PIK3C2G: variants seen among roughly 807,000 people sequenced by gnomAD.
The protein encoded by PIK3C2G is phosphatidylinositol-4-phosphate 3-kinase catalytic subunit type 2 gamma.
Under a neutral mutation model 181.1 loss-of-function variants are expected in PIK3C2G, and 168 were observed. The observed-to-expected ratio is 0.93, with a 90% CI of 0.82 to 1.05. The LOEUF is 1.05. PIK3C2G is among the 50% of genes least tolerant of loss of function. The pLI is 0.00. For synonymous variants in PIK3C2G, 573 were observed against 592.2 expected (o/e 0.97, Z 0.47); for missense variants, 1,869 against 1,732.8 (o/e 1.08, Z -1.40).
chr12:18,703,588 C>G, the PIK3C2G span, among the ~76,000 whole-genome samples: 2 of 152,180 alleles, frequency 1.3e-5, no homozygotes, highest in African/African-American at 4.8e-5. Context: ...GTGATTACCT[C>G]TTTACAATAG....
At chr12:18,255,035 C>A (rs1220007777) in intron 1 of PIK3C2G, among the ~76,000 whole-genome samples, 1 of 151,586 alleles carries the variant, frequency 6.6e-6, no homozygotes, top group African/African-American at 2.4e-5. Flanking sequence ...TTGAGACCAG[C>A]CTGACCAACA....
chr12:18,256,369 ATCT>A (rs1476771728), intron 1 of PIK3C2G, among the ~76,000 whole-genome samples: 2 of 152,096 alleles, frequency 1.3e-5, no homozygotes, highest in East Asian at 3.9e-4. Flanking sequence ...CACGCAGACT[ATCT>A]TCTTTTATTT....
At chr12:18,705,359 A>C in the PIK3C2G span, 1 of 1,606,214 alleles carries the variant, frequency 6.2e-7, no homozygotes, top group Non-Finnish European at 8.5e-7. Context: ...AAAACTTCTA[A>C]ATAATTGTAA....
At chr12:18,632,428 G>A (rs1396640473) in intron 31 of PIK3C2G, among the ~76,000 whole-genome samples, 1 of 152,084 alleles carries the variant, frequency 6.6e-6, no homozygotes, top group Non-Finnish European at 1.5e-5. Context: ...TGCTGTATTA[G>A]GGTTCACCAG....
chr12:18,587,091 G>A (rs1055478734), intron 29 of PIK3C2G, among the ~76,000 whole-genome samples: 5 of 152,028 alleles, frequency 3.3e-5, no homozygotes, highest in African/African-American at 1.2e-4. Context: ...CAAACCCACA[G>A]CCAACATCAT....
Position 18,310,002 on chromosome 12 carries a change from G to A in PIK3C2G, c.1035-3960G>A, listed in dbSNP as rs1278140665. Among the ~76,000 whole-genome samples, 4 of 151,862 alleles carry A rather than the reference G, an allele frequency of 2.6e-5. No individual in the cohort carries two copies. In the East Asian group the frequency reaches 7.7e-4, roughly 29 times the overall value. ...GTAAATGAAGTATTTACAGAGTGAT[G>A]AAGTATGAGTGAAGAAAGAAAGTCA... is the stretch of plus-strand genomic sequence containing the variant. On this transcript the variant is annotated intron_variant, in intron 5 of 32. Coordinates refer to ENST00000538779, the MANE Select transcript of PIK3C2G (RefSeq NM_001288772.2).
intron 16 of PIK3C2G, among the ~76,000 whole-genome samples, chr12:18,412,975 T>C (rs773043389): frequency 1.3e-5 from 2 of 152,180 alleles, no homozygotes; most frequent in African/African-American, 2.4e-5. Context: ...AGAGTTGCTA[T>C]TTCATTGAAG....
the PIK3C2G span, among the ~76,000 whole-genome samples, chr12:18,663,197 T>C: frequency 2.6e-5 from 4 of 152,146 alleles, no homozygotes; most frequent in Admixed American, 2.6e-4. Flanking sequence ...TCACTTTTAT[T>C]CAACATAGTA....
At chr12:18,444,013 C>T (rs1385405610) in intron 18 of PIK3C2G, among the ~76,000 whole-genome samples, 11 of 152,176 alleles carry the variant, frequency 7.2e-5, no homozygotes, top group Admixed American at 7.2e-4. Flanking sequence ...TGTATTTTAT[C>T]TGGCAAGAAA....
intron 24 of PIK3C2G, among the ~76,000 whole-genome samples, chr12:18,526,336 G>A (rs995289446): frequency 1.3e-5 from 2 of 152,138 alleles, no homozygotes; most frequent in Non-Finnish European, 2.9e-5. Flanking sequence ...TCAGAAACAT[G>A]GTGGTTTCTT....
intron 29 of PIK3C2G, among the ~76,000 whole-genome samples, chr12:18,585,601 A>T (rs1946731251): frequency 6.6e-6 from 1 of 152,224 alleles, no homozygotes; most frequent in African/African-American, 2.4e-5. Flanking sequence ...TAATAGTGTG[A>T]GACTTCAACA....
chr12:18,528,709 A>G (rs1055999403), intron 24 of PIK3C2G, among the ~76,000 whole-genome samples: 2 of 152,132 alleles, frequency 1.3e-5, no homozygotes, highest in Admixed American at 6.6e-5. Context: ...CACTTTCCAT[A>G]TCTCCATATC....
intron 14 of PIK3C2G, among the ~76,000 whole-genome samples, chr12:18,384,170 G>A (rs1943026542): frequency 6.6e-6 from 1 of 151,776 alleles, no homozygotes; most frequent in Admixed American, 6.6e-5. Context: ...AAGGATCATA[G>A]GGCCAAAAAC....
rs532790808 is a variant in PIK3C2G, at chr12:18,415,640, G to A, written c.2316-5301G>A. 3.9e-5 allele frequency among the ~76,000 whole-genome samples: 6 copies of A among 152,316 alleles called. No individual in the cohort carries two copies. In the South Asian group the frequency reaches 1.2e-3, roughly 32 times the overall value. ...GCATAACGTGAAAGGCATGTTGAAA[G>A]CTTAGATAGGCTAAAAGCTAGGCTT... On this transcript the variant is annotated intron_variant, in intron 16 of 32. Transcript: ENST00000538779.
intron 31 of PIK3C2G, among the ~76,000 whole-genome samples, chr12:18,625,795 T>G (rs1203469665): frequency 2.6e-5 from 4 of 151,886 alleles, no homozygotes; most frequent in South Asian, 2.1e-4. Flanking sequence ...TTTTTGCAGT[T>G]TTTTATTTAA....
upstream of PIK3C2G, among the ~76,000 whole-genome samples, chr12:18,244,679 A>G (rs757856552): frequency 8.5e-5 from 13 of 152,098 alleles, no homozygotes; most frequent in Admixed American, 2.6e-4. Flanking sequence ...CACTGCCGCG[A>G]TGCTATCAAG....
chr12:18,366,436 G>A (rs2137833360), intron 12 of PIK3C2G, among the ~76,000 whole-genome samples: 1 of 152,176 alleles, frequency 6.6e-6, no homozygotes, highest in East Asian at 1.9e-4. Flanking sequence ...GGGAGGTCAG[G>A]GCAGGAGAAT....
At chr12:18,344,395 G>A (rs73064556) in intron 10 of PIK3C2G, among the ~76,000 whole-genome samples, 1,871 of 152,162 alleles carry the variant, frequency 0.012, 27 homozygotes, top group South Asian at 0.075. Context: ...ATAGGGTGGC[G>A]GAGGGTATAA....
intron 16 of PIK3C2G, among the ~76,000 whole-genome samples, chr12:18,419,552 C>T (rs1241005679): frequency 6.6e-6 from 1 of 152,182 alleles, no homozygotes. Context: ...TTTAATTGCA[C>T]TCTTTCTGCC....
Sources: allele counts gnomAD v4.1 joint callset (sites outside exome capture counted in the v4.1 genomes callset), GRCh38; gene constraint gnomAD v4.1.1; transcripts MANE v1.5; gene names NCBI Gene and HGNC (gene_info 2026-07-23, HGNC 2026-07-21).